The following TIAM1 variants were observed in gnomAD, a reference collection of about 807,000 sequenced individuals.
The protein encoded by TIAM1 is rho guanine nucleotide exchange factor TIAM1.
A neutral mutation model predicts 163.5 loss-of-function variants in TIAM1; 65 were observed. That is an observed-to-expected ratio of 0.40 (90% CI 0.33 to 0.49). TIAM1 has a LOEUF of 0.49. Among genes scored for constraint, TIAM1 ranks in the 20% least tolerant of loss-of-function variants. The pLI, the probability that TIAM1 is intolerant of heterozygous loss-of-function variation, is 0.77. For missense variants in TIAM1, 1,789 were observed against 2,044.7 expected (o/e 0.87, Z 2.41); for synonymous variants, 833 against 810.1 (o/e 1.03, Z -0.48).
intron 6 of TIAM1, among the ~76,000 whole-genome samples, chr21:31,232,944 T>C (rs181625226): frequency 9.5e-4 from 144 of 151,956 alleles, no homozygotes; most frequent in South Asian, 2.1e-3. Context: ...ATAAGCAAAG[T>C]TCTTGCCAAC....
In TIAM1 at chr21:31,120,566, C is replaced by T; in HGVS notation, c.4578G>A (p.Glu1526=). 6.2e-7 allele frequency: 1 copy of T among 1,614,218 alleles called. No homozygotes were observed. ...KGASVDRDLQ[E]RLQATSISQR... is the part of the protein sequence containing the mutation. Reference sequence around the variant, plus strand: ...GACTGATGGAGGTGGCCTGAAGCCGCTCCTGCAGGTCTCTGTCCACTGAGG... The same window carrying T: ...GACTGATGGAGGTGGCCTGAAGCCGTTCCTGCAGGTCTCTGTCCACTGAGG... Residue 1526 remains glutamate (E), a synonymous_variant, in exon 28 of 28, where the codon GAG becomes GAA. Coordinates refer to ENST00000541036, the MANE Select transcript of TIAM1 (RefSeq NM_001353694.2). This position sits in a 1 kb window ranked among gnomAD's most constrained non-coding sequence, Gnocchi z 4.2.
chr21:31,485,248 T>C (rs900258205), intron 1 of TIAM1, among the ~76,000 whole-genome samples: 1 of 152,238 alleles, frequency 6.6e-6, no homozygotes, highest in African/African-American at 2.4e-5. Context: ...CCTCACTCCA[T>C]GCCTCGCACA....
At chr21:31,364,542 G>A (rs2076467326) in intron 2 of TIAM1, among the ~76,000 whole-genome samples, 1 of 152,188 alleles carries the variant, frequency 6.6e-6, no homozygotes, top group African/African-American at 2.4e-5. Context: ...AGAAAGCACT[G>A]AGACATCAGC....
At chr21:31,157,473 T>G (rs1432560986) in intron 16 of TIAM1, among the ~76,000 whole-genome samples, 1 of 152,228 alleles carries the variant, frequency 6.6e-6, no homozygotes, top group Non-Finnish European at 1.5e-5. Context: ...AAGTTTTTAT[T>G]TTATAATGAT....
rs568580061 is a variant in TIAM1, at chr21:31,130,115, C to A, written c.4045+98G>T. On this transcript the variant is annotated intron_variant, in intron 25 of 27. Transcript: ENST00000541036. Reference sequence around the variant, plus strand: ...CATAGGGAAAAAAAAAAAAAAAAGACGGTAGAAGAGTTAGACCAAGAGTGT... The same window carrying A: ...CATAGGGAAAAAAAAAAAAAAAAGAAGGTAGAAGAGTTAGACCAAGAGTGT... 925 of 828,940 alleles carry A rather than the reference C, an allele frequency of 1.1e-3. 1 individual carries two copies. The highest frequency in any genetic ancestry group is 4.6e-3 in the Middle Eastern group (15 of 3,256). The allele number at this position is 828,940 out of a possible 1,614,324, so 51.3% of individuals were successfully genotyped here.
intron 1 of TIAM1, among the ~76,000 whole-genome samples, chr21:31,529,021 A>G (rs2047884506): frequency 6.7e-6 from 1 of 148,436 alleles, no homozygotes; most frequent in East Asian, 2.1e-4. Context: ...TCCCGGGTTC[A>G]CGCCATTCTC....
At chr21:31,420,159 C>T (rs757487560) in intron 2 of TIAM1, among the ~76,000 whole-genome samples, 7 of 152,214 alleles carry the variant, frequency 4.6e-5, no homozygotes, top group Non-Finnish European at 1.0e-4. Flanking sequence ...AGAACCTGAG[C>T]TACCTGAGAA....
chr21:31,153,859 G>A (rs1230870261), intron 17 of TIAM1, among the ~76,000 whole-genome samples: 5 of 151,444 alleles, frequency 3.3e-5, no homozygotes, highest in Admixed American at 1.3e-4. Flanking sequence ...CCATGAGTTC[G>A]AAACCAGCAT....
intron 2 of TIAM1, among the ~76,000 whole-genome samples, chr21:31,400,795 T>C (rs562954700): frequency 6.6e-6 from 1 of 152,196 alleles, no homozygotes; most frequent in African/African-American, 2.4e-5. Flanking sequence ...CCTTGACTAT[T>C]AAAGTGGAAT....
At chr21:31,233,967 G>A (rs953538732) in intron 6 of TIAM1, among the ~76,000 whole-genome samples, 6 of 152,128 alleles carry the variant, frequency 3.9e-5, no homozygotes, top group South Asian at 2.1e-4. Flanking sequence ...ACAAATAATC[G>A]TCAACCGGAG....
At chr21:31,130,163 C>A in intron 25 of TIAM1, 50 bp downstream of exon 25, 2 of 1,433,636 alleles carry the variant, frequency 1.4e-6, no homozygotes, top group East Asian at 2.4e-5. Flanking sequence ...ATAATTCCTA[C>A]ACACATCAGA....
At chr21:31,216,970 G>A (rs142236687) in intron 9 of TIAM1, among the ~76,000 whole-genome samples, 1 of 152,184 alleles carries the variant, frequency 6.6e-6, no homozygotes, top group Non-Finnish European at 1.5e-5. Context: ...CACTTGGGGA[G>A]GCTGAGGCGG....
At chr21:31,130,631 G>A (rs962125723) in intron 24 of TIAM1, among the ~76,000 whole-genome samples, 17 of 152,126 alleles carry the variant, frequency 1.1e-4, no homozygotes, top group African/African-American at 4.1e-4. Context: ...AAGGTTCTGG[G>A]CCATGGCAGA....
intron 2 of TIAM1, among the ~76,000 whole-genome samples, chr21:31,289,045 GTGCAATATATC>G (rs1193079732): frequency 1.3e-5 from 2 of 152,208 alleles, no homozygotes; most frequent in African/African-American, 4.8e-5. Context: ...ACAAATCACA[GTGCAATATATC>G]TGCAATGCAT....
intron 2 of TIAM1, among the ~76,000 whole-genome samples, chr21:31,361,163 A>C (rs1251255333): frequency 6.6e-6 from 1 of 152,256 alleles, no homozygotes; most frequent in Non-Finnish European, 1.5e-5. Flanking sequence ...TAGCCTATTT[A>C]TACCATGAAA....
intron 2 of TIAM1, among the ~76,000 whole-genome samples, chr21:31,425,211 T>C (rs1466633990): frequency 6.6e-6 from 1 of 152,136 alleles, no homozygotes; most frequent in East Asian, 1.9e-4. Context: ...CCGGACCCAG[T>C]GGAATGCACA....
intron 1 of TIAM1, among the ~76,000 whole-genome samples, chr21:31,510,998 T>C (rs7283529): frequency 0.062 from 9,357 of 152,100 alleles, 746 homozygotes; most frequent in African/African-American, 0.18. Context: ...CAGAGACACA[T>C]AGGACAACGC....
chr21:31,449,748 G>C (rs2044756339), intron 2 of TIAM1, among the ~76,000 whole-genome samples: 1 of 152,144 alleles, frequency 6.6e-6, no homozygotes, highest in African/African-American at 2.4e-5. Context: ...CTTCCACAGA[G>C]AAATCTTCCT....
chr21:31,274,353 GCCA>G (rs2073197124), intron 3 of TIAM1, among the ~76,000 whole-genome samples: 1 of 152,070 alleles, frequency 6.6e-6, no homozygotes, highest in African/African-American at 2.4e-5. Flanking sequence ...TTAATAGAAA[GCCA>G]CCCTGTGTTC....
Sources: allele counts gnomAD v4.1 joint callset (sites outside exome capture counted in the v4.1 genomes callset), GRCh38; gene constraint gnomAD v4.1.1; non-coding constraint Gnocchi (gnomAD v3.1); transcripts MANE v1.5; gene names NCBI Gene and HGNC (gene_info 2026-07-23, HGNC 2026-07-21).